The following ZNF550 variants were observed in gnomAD, a reference collection of about 807,000 sequenced individuals.
ZNF550 encodes zinc finger protein 550.
A neutral mutation model predicts 40.2 loss-of-function variants in ZNF550; 42 were observed. That is an observed-to-expected ratio of 1.05 (90% CI 0.82 to 1.35). The LOEUF is 1.35. Ranked by LOEUF, ZNF550 falls within the 40% of genes most tolerant of loss-of-function variation. The pLI is 0.00. For missense variants in ZNF550, 549 were observed against 525.2 expected (o/e 1.05, Z -0.44); for synonymous variants, 223 against 198.6 (o/e 1.12, Z -1.03).
intron 4 of ZNF550, chr19:57,544,054 C>G (rs1444249416): frequency 1.9e-5 from 19 of 985,298 alleles, no homozygotes; most frequent in Non-Finnish European, 2.3e-5. Flanking sequence ...GGGTGCTAAA[C>G]AAGTTTAAGT....
exon 4 of ZNF550, chr19:57,547,324 C>T: frequency 6.2e-7 from 1 of 1,614,080 alleles, no homozygotes; most frequent in Non-Finnish European, 8.5e-7. Flanking sequence ...AGTGTGGGTC[C>T]TATTATGGCG....
rs2090119027 is a variant in ZNF550, at chr19:57,556,216, G to C, written c.154+15C>G. 6.2e-7 allele frequency: 1 copy of C among 1,613,820 alleles called. No individual in the cohort carries two copies. Among genetic ancestry groups the C allele is most frequent in the Admixed American group, 1.7e-5 (1 of 59,996 alleles). ...GGGTTAGGGTCCTCCTCAGGGATGAGAGGTGAGTCATTACCTAGTGAAACC... is the reference window on the plus strand; with the variant it reads ...GGGTTAGGGTCCTCCTCAGGGATGACAGGTGAGTCATTACCTAGTGAAACC... On this transcript the variant is annotated intron_variant, in intron 2 of 4. Coordinates refer to ENST00000457177, the Ensembl canonical transcript of ZNF550.
At position 57,547,542 on chromosome 19, in the gene ZNF550, A is replaced by C. The variant is rs1399367407; in HGVS notation, c.702T>G (p.Asn234Lys). 8.7e-6 allele frequency: 14 copies of C among 1,614,108 alleles called. No individual in the cohort carries two copies. In the East Asian group the frequency reaches 2.9e-4, roughly 33 times the overall value. ...TCTGGCTAAAGGCTTTCCCACATGC[A>C]TTGCATTCATAGGGTTTCATTCCAG... Residue 234 changes from asparagine (N) to lysine (K), a missense_variant, in exon 4 of 5, where the codon AAT (asparagine) becomes AAG (lysine). Transcript: ENST00000457177.
chr19:57,561,386 A>C (rs533300252), upstream of ZNF550, among the ~76,000 whole-genome samples: 6 of 152,334 alleles, frequency 3.9e-5, no homozygotes, highest in Non-Finnish European at 7.4e-5. This position sits in a 1 kb window ranked among gnomAD's most constrained non-coding sequence, Gnocchi z 4.9. Flanking sequence ...AGCTCAAAAG[A>C]AGTTTCCTTG....
At chr19:57,555,489 C>T (rs1265125817) in intron 2 of ZNF550, 1 of 152,676 alleles carries the variant, frequency 6.5e-6, no homozygotes, top group East Asian at 1.9e-4. Context: ...CAGGCGCGCA[C>T]CACTGCGCCC....
chr19:57,556,424 C>CA, intron 1 of ZNF550, 67 bp from the exon 2 acceptor site: 1 of 1,555,004 alleles, frequency 6.4e-7, no homozygotes, highest in South Asian at 1.2e-5. Context: ...ACCTGTCACT[C>CA]AGTCTCTAGT....
rs760544230 is a variant in ZNF550 at position 57,547,687 on chromosome 19, T to C, written c.557A>G (p.Asp186Gly). The change falls in exon 4 of 5, where the codon GAC (aspartate) becomes GGC (glycine). Residue 186 changes from aspartate to glycine, a missense_variant. By Grantham distance (94) the Asp-to-Gly change is moderately conservative (BLOSUM62 -1). Transcript: ENST00000457177. ...GGCGTCTTTCCCTGGTTGCTGTGAG[T>C]CACATTCATGGAGAACATCTGCTGA... is the stretch of plus-strand genomic sequence containing the variant. 5.0e-6 allele frequency: 8 copies of C among 1,614,006 alleles called. No individual in the cohort carries two copies. The Admixed American group carries it at 1.2e-4, about 24-fold the overall frequency.
chr19:57,548,032 G>A (rs1212891267), intron 3 of ZNF550, 39 bp from the exon 4 acceptor site: 4 of 1,551,568 alleles, frequency 2.6e-6, no homozygotes, highest in Non-Finnish European at 2.6e-6. Flanking sequence ...GTCTTTTAGT[G>A]ATAAAATATA....
intron 2 of ZNF550, 111 bp from the exon 3 acceptor site, chr19:57,552,833 A>G: frequency 1.4e-6 from 1 of 714,586 alleles, no homozygotes; most frequent in South Asian, 1.8e-5. Flanking sequence ...AGCTGCTCCC[A>G]AAGTAAGCAA....
intron 2 of ZNF550, 78 bp downstream of exon 2, chr19:57,556,153 G>A (rs2090118461): frequency 1.3e-6 from 2 of 1,580,588 alleles, no homozygotes; most frequent in Non-Finnish European, 1.7e-6. Flanking sequence ...AGAGAAAGGT[G>A]GGCAGTTCCA....
chr19:57,558,951 G>A (rs993228527), intron 1 of ZNF550, among the ~76,000 whole-genome samples: 2 of 152,142 alleles, frequency 1.3e-5, no homozygotes, highest in African/African-American at 4.8e-5. Context: ...ACTGTTAGTT[G>A]CAACCCAGCG....
chr19:57,547,602 C>T, exon 4 of ZNF550: 9 of 1,614,218 alleles, frequency 5.6e-6, no homozygotes, highest in Non-Finnish European at 7.6e-6. Context: ...GATACCACTT[C>T]CTGTTAAAAC....
At chr19:57,547,435 C>T (rs139721283) in exon 4 of ZNF550, 180 of 1,613,782 alleles carry the variant, frequency 1.1e-4, no homozygotes, top group Non-Finnish European at 1.4e-4. Flanking sequence ...GTACGACCTG[C>T]GTTTGAAGGC....
intron 4 of ZNF550, chr19:57,544,032 T>A (rs1386430344): frequency 2.0e-6 from 2 of 985,368 alleles, no homozygotes; most frequent in South Asian, 9.4e-5. Flanking sequence ...AAACTTCTAC[T>A]GACTTAAAAA....
intron 1 of ZNF550, 184 bp from the exon 2 acceptor site, chr19:57,556,541 G>T: frequency 1.6e-6 from 1 of 641,146 alleles, no homozygotes; most frequent in Non-Finnish European, 2.6e-6. Context: ...ATGCAATTGT[G>T]CCTGAGAGAA....
chr19:57,546,946 G>C, exon 4 of ZNF550: 4 of 1,580,036 alleles, frequency 2.5e-6, no homozygotes, highest in Non-Finnish European at 3.5e-6. Context: ...TAAAGGCCTT[G>C]CTGTATTCAT....
intron 2 of ZNF550, 63 bp downstream of exon 2, chr19:57,556,168 C>A: frequency 1.2e-6 from 2 of 1,611,258 alleles, no homozygotes; most frequent in Non-Finnish European, 8.5e-7. Flanking sequence ...GTTCCAGTGA[C>A]CTTTTTGCCT....
chr19:57,544,660 A>G, intron 4 of ZNF550: 1 of 941,010 alleles, frequency 1.1e-6, no homozygotes, highest in Non-Finnish European at 1.3e-6. Context: ...CCACAGTAAA[A>G]GGTACATGCC....
rs869255164 is a variant in ZNF550 at position 57,544,570 on chromosome 19, CTG to C, written c.*519-1329_*519-1328del. ...ACTCTCCTTCCCACAGGAGAGGAAA[CTG>C]TGCACTCTGTCCTGAAAAAACAAAA... On this transcript the variant is annotated intron_variant, in intron 4 of 4. Transcript: ENST00000457177. 4.3e-5 allele frequency: 42 copies of C among 985,328 alleles called. No individual in the cohort carries two copies. The East Asian group carries it at 1.9e-3, about 45-fold the overall frequency. The allele number at this position is 985,328 out of a possible 1,614,324, so 61.0% of individuals were successfully genotyped here. A position where few individuals can be genotyped will look rare whatever the true frequency, so the allele number is the denominator to read the frequency against.
Sources: allele counts gnomAD v4.1 joint callset (sites outside exome capture counted in the v4.1 genomes callset), GRCh38; gene constraint gnomAD v4.1.1; non-coding constraint Gnocchi (gnomAD v3.1); transcripts MANE v1.5; gene names NCBI Gene and HGNC (gene_info 2026-07-23, HGNC 2026-07-21).